RBM46: variants seen among roughly 807,000 people sequenced by gnomAD.
RBM46 encodes probable RNA-binding protein 46.
Under a neutral mutation model 43.3 loss-of-function variants are expected in RBM46, and 12 were observed. The observed-to-expected ratio is 0.28, with a 90% CI of 0.18 to 0.45. The LOEUF (loss-of-function observed/expected upper bound fraction) is 0.45. RBM46 is among the 20% of genes least tolerant of loss of function. The pLI, the probability that RBM46 is intolerant of heterozygous loss-of-function variation, is 1.00. For missense variants in RBM46, 412 were observed against 639.1 expected (o/e 0.64, Z 3.83); for synonymous variants, 205 against 207.6 (o/e 0.99, Z 0.11).
intron 2 of RBM46, among the ~76,000 whole-genome samples, chr4:154,797,415 C>T (rs953192207): frequency 3.3e-5 from 5 of 152,196 alleles, no homozygotes; most frequent in African/African-American, 9.7e-5. Context: ...TCCTTTCTCA[C>T]GTACATGTTA....
At chr4:154,797,693 A>G (rs982809556) in intron 2 of RBM46, 118 bp from the exon 3 acceptor site, 1 of 602,940 alleles carries the variant, frequency 1.7e-6, no homozygotes, top group Non-Finnish European at 2.8e-6. Flanking sequence ...TTGTATCACC[A>G]ATACCTAGAA....
At chr4:154,813,944 G>A (rs949439067) in intron 4 of RBM46, among the ~76,000 whole-genome samples, 2 of 151,934 alleles carry the variant, frequency 1.3e-5, no homozygotes, top group African/African-American at 2.4e-5. Context: ...GGAATTTTCT[G>A]TCAAACTAAA....
intron 1 of RBM46, among the ~76,000 whole-genome samples, chr4:154,794,432 G>A (rs10017337): frequency 0.21 from 32,002 of 151,708 alleles, 4,322 homozygotes; most frequent in East Asian, 0.44. Flanking sequence ...TGCCTGCCTC[G>A]GCCTCCCAAA....
At chr4:154,815,078 T>TA (rs1430202579) in intron 4 of RBM46, among the ~76,000 whole-genome samples, 5 of 152,084 alleles carry the variant, frequency 3.3e-5, no homozygotes, top group African/African-American at 4.8e-5. Context: ...TTTTGAAACT[T>TA]ATGTAACATT....
rs1430136027 is a variant in RBM46 at position 154,828,632 on chromosome 4, T to C, written c.*565T>C. The C allele has an allele frequency of 6.6e-6, 1 of 152,652 alleles. No homozygotes were observed. Among genetic ancestry groups the C allele is most frequent in the Non-Finnish European group, 1.5e-5 (1 of 68,060 alleles). 9.5% of individuals were successfully genotyped at this position (152,652 alleles called of 1,614,324 possible). ...AAAATAACTATAGATATTTTTGTTATTTGTTAGACACAAATTATAATTTTG... is the reference window on the plus strand; with the variant it reads ...AAAATAACTATAGATATTTTTGTTACTTGTTAGACACAAATTATAATTTTG... On this transcript the variant is annotated 3_prime_UTR_variant, in exon 5 of 5. Coordinates refer to ENST00000281722, the MANE Select transcript of RBM46 (RefSeq NM_144979.5).
chr4:154,812,685 A>G (rs749833340), intron 4 of RBM46, among the ~76,000 whole-genome samples: 2 of 152,204 alleles, frequency 1.3e-5, no homozygotes, highest in Non-Finnish European at 2.9e-5. Context: ...TTAGGAACCT[A>G]TCATGGCTTG....
intron 1 of RBM46, among the ~76,000 whole-genome samples, chr4:154,793,329 A>G (rs1380968862): frequency 6.6e-6 from 1 of 152,156 alleles, no homozygotes; most frequent in Non-Finnish European, 1.5e-5. Flanking sequence ...GAACATTCTT[A>G]TGCTTATATC....
At chr4:154,821,722 T>G (rs2111211854) in intron 4 of RBM46, among the ~76,000 whole-genome samples, 1 of 151,972 alleles carries the variant, frequency 6.6e-6, no homozygotes, top group East Asian at 1.9e-4. Flanking sequence ...GGTTAATATA[T>G]TTGAAGATTT....
chr4:154,819,706 T>G (rs1453301653), intron 4 of RBM46, among the ~76,000 whole-genome samples: 2 of 152,168 alleles, frequency 1.3e-5, no homozygotes, highest in Non-Finnish European at 2.9e-5. Context: ...ATCAGAAATT[T>G]TTCATTTGTT....
At chr4:154,793,869 C>CT (rs963837640) in intron 1 of RBM46, among the ~76,000 whole-genome samples, 1 of 152,132 alleles carries the variant, frequency 6.6e-6, no homozygotes, top group African/African-American at 2.4e-5. Flanking sequence ...TTCTTGACCT[C>CT]TTAACATTTC....
intron 4 of RBM46, among the ~76,000 whole-genome samples, chr4:154,817,977 C>T (rs1735537472): frequency 6.6e-6 from 1 of 152,044 alleles, no homozygotes; most frequent in South Asian, 2.1e-4. Flanking sequence ...TATTTTATCA[C>T]ATCCTAGATA....
At chr4:154,823,123 A>G (rs156565) in intron 4 of RBM46, among the ~76,000 whole-genome samples, 1 of 151,886 alleles carries the variant, frequency 6.6e-6, no homozygotes, top group Non-Finnish European at 1.5e-5. Context: ...GATACATGCT[A>G]CAACATGTAT....
intron 1 of RBM46, among the ~76,000 whole-genome samples, chr4:154,791,319 C>T (rs1466548767): frequency 6.6e-6 from 1 of 152,102 alleles, no homozygotes; most frequent in Non-Finnish European, 1.5e-5. Flanking sequence ...ACCTCTGGAA[C>T]AATGTTTTAA....
chr4:154,799,150 C>G lies in RBM46; in HGVS notation c.988C>G (p.Leu330Val), dbSNP rs1734491875. 3 of 1,614,124 alleles carry G rather than the reference C, an allele frequency of 1.9e-6. No individual in the cohort carries two copies. In the African/African-American group the frequency reaches 4.0e-5, roughly 22 times the overall value. ...TCAGATTAGTCCAAATTCTGAAAAT[C>G]TGATTGTGTTTGCTAACAAAGAAGA... ...NGQISPNSEN[L>V]IVFANKEESH... is the part of the protein sequence containing the mutation. Residue 330 changes from leucine to valine, a missense_variant, in exon 4 of 5, where the codon CTG (leucine) becomes GTG (valine). Coordinates refer to ENST00000281722, the MANE Select transcript of RBM46 (RefSeq NM_144979.5).
intron 1 of RBM46, among the ~76,000 whole-genome samples, chr4:154,785,246 G>A (rs1235009643): frequency 6.6e-6 from 1 of 152,016 alleles, no homozygotes; most frequent in Non-Finnish European, 1.5e-5. Flanking sequence ...AGCCTTTAAT[G>A]TGTATGGACT....
chr4:154,799,043 A>G lies in RBM46; in HGVS notation c.881A>G (p.Lys294Arg). 1 of 1,614,176 alleles carries G rather than the reference A, an allele frequency of 6.2e-7. No individual in the cohort carries two copies. The highest frequency in any genetic ancestry group is 1.3e-5 in the African/African-American group (1 of 75,040). ...AVAAMSVMNG[K>R]CIDGASIEVT... Reference sequence around the variant, plus strand: ...GCTGCCATGTCTGTTATGAATGGAAAATGCATTGATGGAGCAAGTATTGAG... The same window carrying G: ...GCTGCCATGTCTGTTATGAATGGAAGATGCATTGATGGAGCAAGTATTGAG... Residue 294 changes from lysine (K) to arginine (R), a missense_variant, in exon 4 of 5, where the codon AAA becomes AGA. Physicochemically the swap from Lys to Arg is conservative, Grantham distance 26. This residue lies in a region of RBM46 where 105 missense variants were observed against 111.0 expected (regional missense o/e 0.95). Transcript: ENST00000281722.
rs560229630 is a variant in RBM46, at chr4:154,783,887, C to A, written c.-12+2451C>A. ...TTATTTCGAAATAATTTTAGACTTC[C>A]ATGTCCACACACTTTTGATTAACTC... On this transcript the variant is annotated intron_variant, in intron 1 of 4. Transcript: ENST00000281722. Among the ~76,000 whole-genome samples the A allele has an allele frequency of 1.7e-3, 260 of 152,226 alleles. 1 individual carries two copies. The highest frequency in any genetic ancestry group is 5.6e-3 in the African/African-American group (233 of 41,524).
intron 4 of RBM46, chr4:154,826,894 A>G: frequency 6.9e-7 from 1 of 1,439,960 alleles, no homozygotes; most frequent in Non-Finnish European, 9.1e-7. Flanking sequence ...TAGTACCAGG[A>G]CAGTATTATA....
chr4:154,793,660 G>C (rs942068676), intron 1 of RBM46, among the ~76,000 whole-genome samples: 3 of 152,148 alleles, frequency 2.0e-5, no homozygotes, highest in Non-Finnish European at 4.4e-5. Context: ...TGTTTGGTCT[G>C]TACACTTTCA....
Sources: allele counts gnomAD v4.1 joint callset (sites outside exome capture counted in the v4.1 genomes callset), GRCh38; gene constraint gnomAD v4.1.1; regional missense constraint gnomAD v4.1.1; transcripts MANE v1.5; gene names NCBI Gene and HGNC (gene_info 2026-07-23, HGNC 2026-07-21).